The following ANK3 variants were observed in gnomAD, a reference collection of about 807,000 sequenced individuals.
ANK3 encodes the protein ankyrin-3.
In ANK3, 57 loss-of-function variants were observed where a neutral mutation model predicts 370.9. That is an observed-to-expected ratio of 0.15 (90% CI 0.12 to 0.19). The LOEUF (loss-of-function observed/expected upper bound fraction) is 0.19, where lower values mean the gene tolerates loss of function less well. Ranked by LOEUF, ANK3 falls within the 10% of genes least tolerant of loss-of-function variation. ANK3 has a pLI of 1.00. For missense variants in ANK3, 4,439 were observed against 5,302.1 expected (o/e 0.84, Z 5.06); for synonymous variants, 1,929 against 1,946.3 (o/e 0.99, Z 0.23).
intron 1 of ANK3, among the ~76,000 whole-genome samples, chr10:60,729,465 T>C (rs754772081): frequency 1.1e-4 from 17 of 152,218 alleles, no homozygotes; most frequent in Admixed American, 3.3e-4. Context: ...CACATAGTTC[T>C]TAATTCAACA....
chr10:60,570,700 T>C (rs2077573392), intron 2 of ANK3, among the ~76,000 whole-genome samples: 1 of 152,130 alleles, frequency 6.6e-6, no homozygotes, highest in African/African-American at 2.4e-5. Flanking sequence ...TGATCAAAGC[T>C]TTCATTAAGA....
intron 2 of ANK3, among the ~76,000 whole-genome samples, chr10:60,604,944 T>C (rs1056674784): frequency 2.0e-5 from 3 of 152,174 alleles, no homozygotes; most frequent in Non-Finnish European, 2.9e-5. Context: ...TGTAGTCCAC[T>C]TGCTGTGCTG....
At chr10:60,654,220 A>G (rs1048956723) in intron 1 of ANK3, among the ~76,000 whole-genome samples, 6 of 152,168 alleles carry the variant, frequency 3.9e-5, no homozygotes, top group African/African-American at 1.4e-4. Flanking sequence ...GCTTTTATAC[A>G]TTCCAGGGAT....
At chr10:60,474,704 A>G (rs1031143836) in intron 2 of ANK3, among the ~76,000 whole-genome samples, 3 of 152,196 alleles carry the variant, frequency 2.0e-5, no homozygotes, top group African/African-American at 7.2e-5. Flanking sequence ...GGTGTTTTCC[A>G]GTATGAATTT....
chr10:60,043,722 C>A (rs911027243), intron 42 of ANK3: 4 of 985,346 alleles, frequency 4.1e-6, no homozygotes, highest in African/African-American at 3.5e-5. Context: ...CCTGTCCCAA[C>A]AGACACTCTG....
intron 1 of ANK3, among the ~76,000 whole-genome samples, chr10:60,343,144 A>G (rs1344337482): frequency 6.6e-6 from 1 of 152,234 alleles, no homozygotes; most frequent in Non-Finnish European, 1.5e-5. Flanking sequence ...GCAATGAATA[A>G]TATTTATACA....
chr10:60,263,423 C>T (rs752598258), intron 6 of ANK3, among the ~76,000 whole-genome samples: 1 of 152,158 alleles, frequency 6.6e-6, no homozygotes, highest in African/African-American at 2.4e-5. Flanking sequence ...GCATGCTTTC[C>T]GCAGCTGATC....
chr10:60,278,125 G>C (rs2098116391), intron 4 of ANK3, among the ~76,000 whole-genome samples: 1 of 152,246 alleles, frequency 6.6e-6, no homozygotes, highest in Non-Finnish European at 1.5e-5. Flanking sequence ...ATTTATAGGA[G>C]GACCTATGTT....
Position 60,027,554 on chromosome 10 carries a change from C to CTAAT in ANK3, c.*2288_*2291dup, listed in dbSNP as rs1346430308. The CTAAT allele has an allele frequency of 6.6e-6, 1 of 152,066 alleles. No individual in the cohort carries two copies. The highest frequency in any genetic ancestry group is 2.4e-5 in the African/African-American group (1 of 41,400). 9.4% of individuals were successfully genotyped at this position (152,066 alleles called of 1,614,324 possible). A position where few individuals can be genotyped will look rare whatever the true frequency, so the allele number is the denominator to read the frequency against. On this transcript the variant is annotated 3_prime_UTR_variant, in exon 44 of 44. Coordinates refer to ENST00000280772, the MANE Select transcript of ANK3 (RefSeq NM_020987.5). ...TAACATTGCTGAAAGTCTCTTAGCA[C>CTAAT]TAATTTAATTTTATAAAAGGATCAT...
intron 2 of ANK3, among the ~76,000 whole-genome samples, chr10:60,396,920 G>A (rs1287600710): frequency 5.3e-5 from 8 of 152,150 alleles, no homozygotes; most frequent in East Asian, 3.8e-4. Context: ...ATTACAGTAA[G>A]GATGAAGTGA....
intron 43 of ANK3, among the ~76,000 whole-genome samples, chr10:60,033,882 T>C (rs1414755127): frequency 1.3e-5 from 2 of 152,036 alleles, no homozygotes; most frequent in African/African-American, 4.8e-5. Flanking sequence ...ACAACAACAA[T>C]ATCCAGGCCA....
At chr10:60,318,138 G>T (rs2047859567) in intron 1 of ANK3, among the ~76,000 whole-genome samples, 3 of 152,154 alleles carry the variant, frequency 2.0e-5, no homozygotes, top group Non-Finnish European at 4.4e-5. Flanking sequence ...TGTGCAGGAT[G>T]TGCAGGTTTG....
intron 40 of ANK3, chr10:60,062,434 T>G (rs1198491467): frequency 6.6e-6 from 1 of 152,244 alleles, no homozygotes; most frequent in African/African-American, 2.4e-5. Context: ...TTATATAAAT[T>G]AAGCTAATGT....
chr10:60,436,642 C>G (rs988828039), intron 2 of ANK3, among the ~76,000 whole-genome samples: 3 of 152,066 alleles, frequency 2.0e-5, no homozygotes, highest in African/African-American at 7.2e-5. Context: ...GCCTATTTTT[C>G]AATTTGGTTA....
At chr10:60,095,457 T>A (rs1380074973) in intron 28 of ANK3, among the ~76,000 whole-genome samples, 1 of 152,236 alleles carries the variant, frequency 6.6e-6, no homozygotes, top group Non-Finnish European at 1.5e-5. Context: ...CATAGCTCAT[T>A]CCAGCCTTGA....
chr10:60,611,830 GT>G lies in ANK3; in HGVS notation c.96+3355del, dbSNP rs904143596. ...ATACAAGATCTAAAAAGTGACCTCG[GT>G]TTCTTAAATGTTGCCACGGGAGTCA... On this transcript the variant is annotated intron_variant, in intron 2 of 43. Transcript: ENST00000373827. Among the ~76,000 whole-genome samples the G allele has an allele frequency of 3.3e-5, 5 of 150,356 alleles. No individual in the cohort carries two copies. In the Admixed American group the frequency reaches 3.3e-4, roughly 10 times the overall value.
intron 1 of ANK3, among the ~76,000 whole-genome samples, chr10:60,299,051 A>G (rs998860830): frequency 7.9e-5 from 12 of 152,316 alleles, no homozygotes; most frequent in African/African-American, 2.9e-4. Context: ...TGCTTATATT[A>G]CTAGTAAATT....
Position 60,208,041 on chromosome 10 carries a change from C to T in ANK3, c.1189G>A (p.Ala397Thr), listed in dbSNP as rs1459523623. Residue 397 changes from alanine (A) to threonine (T), a missense_variant, in exon 10 of 44, where the codon GCC becomes ACC. This residue lies in a region of ANK3 where 227 missense variants were observed against 377.6 expected (regional missense o/e 0.60). Coordinates refer to ENST00000280772, the MANE Select transcript of ANK3 (RefSeq NM_020987.5). ...TCGCTGGTTGAGCCACTCACCAGGGCTTTGGCATTGGGGTTAGCTTTCTTA... is the reference window on the plus strand; with the variant it reads ...TCGCTGGTTGAGCCACTCACCAGGGTTTTGGCATTGGGGTTAGCTTTCTTA... The part of the protein sequence containing the change: ...LDKKANPNAK[A>T]LNGFTPLHIA... 1 of 1,613,384 alleles carries T rather than the reference C, an allele frequency of 6.2e-7. No individual in the cohort carries two copies.
intron 1 of ANK3, among the ~76,000 whole-genome samples, chr10:60,334,017 C>T (rs935889914): frequency 6.6e-6 from 1 of 152,092 alleles, no homozygotes; most frequent in African/African-American, 2.4e-5. Context: ...TCATTTCCTA[C>T]CTATGTGCTC....
Sources: allele counts gnomAD v4.1 joint callset (sites outside exome capture counted in the v4.1 genomes callset), GRCh38; gene constraint gnomAD v4.1.1; regional missense constraint gnomAD v4.1.1; transcripts MANE v1.5; gene names NCBI Gene and HGNC (gene_info 2026-07-23, HGNC 2026-07-21).